GPC3: variants seen among roughly 807,000 people sequenced by gnomAD.
The protein encoded by GPC3 is glypican-3.
GPC3 carries 3 observed loss-of-function variants against 34.4 expected under a neutral mutation model. The ratio of observed to expected loss-of-function variants is 0.09; its 90% CI spans 0.04 to 0.23. The LOEUF (loss-of-function observed/expected upper bound fraction) is 0.23. Among genes scored for constraint, GPC3 ranks in the 10% least tolerant of loss-of-function variants. The pLI is 1.00. For missense variants in GPC3, 351 were observed against 445.6 expected, an observed-to-expected ratio of 0.79 and a Z score of 1.91; for synonymous variants, 177 against 174.0, an observed-to-expected ratio of 1.02 and a Z score of -0.13.
intron 6 of GPC3, among the ~76,000 whole-genome samples, 148 bp downstream of exon 6, chrX:133,661,577 TCTCTC>T (rs2070719783): frequency 1.2e-4 from 1 of 8,269 alleles, no homozygotes; most frequent in Non-Finnish European, 2.4e-4. Context: ...TTTCTCTCTC[TCTCTC>T]TCTCTCTCTC....
intron 3 of GPC3, among the ~76,000 whole-genome samples, chrX:133,706,828 T>C (rs774380405): frequency 8.9e-6 from 1 of 111,769 alleles, no homozygotes; most frequent in African/African-American, 3.2e-5. Flanking sequence ...TGAACTACCA[T>C]TTGATTCAAC....
Position 133,932,979 on chromosome X carries a change from G to A in GPC3, c.337+20071C>T, listed in dbSNP as rs180768758. The stretch of plus-strand genomic sequence containing the variant: ...TAATAAGAGCCCCTTATATAAGTGT[G>A]CATATAGCGCTATTTGGTTTAATAT... On this transcript the variant is annotated intron_variant, in intron 2 of 7. Transcript: ENST00000370818. 8.1e-3 allele frequency among the ~76,000 whole-genome samples: 904 copies of A among 111,202 alleles called. 10 individuals are homozygous for A. The highest frequency in any genetic ancestry group is 0.012 in the Non-Finnish European group (633 of 52,975).
intron 2 of GPC3, among the ~76,000 whole-genome samples, chrX:133,912,538 G>T (rs765848474): frequency 4.6e-5 from 5 of 107,666 alleles, no homozygotes; most frequent in African/African-American, 1.0e-4. Flanking sequence ...GTGGGGGAAG[G>T]GGGGTGCGTG....
intron 7 of GPC3, among the ~76,000 whole-genome samples, chrX:133,543,413 C>G (rs1226691706): frequency 2.7e-5 from 3 of 112,305 alleles, no homozygotes; most frequent in Non-Finnish European, 5.6e-5. Flanking sequence ...GCCACCACAC[C>G]TGGCCCACAA....
intron 2 of GPC3, among the ~76,000 whole-genome samples, chrX:133,854,457 GA>G (rs984675186): frequency 4.5e-5 from 5 of 111,915 alleles, no homozygotes; most frequent in Non-Finnish European, 7.5e-5. Flanking sequence ...ATGCAGAAAT[GA>G]TTAAGATATG....
intron 2 of GPC3, among the ~76,000 whole-genome samples, chrX:133,927,877 TTA>T (rs969946509): frequency 2.8e-5 from 3 of 106,592 alleles, no homozygotes; most frequent in African/African-American, 3.4e-5. Context: ...TATATATATA[TTA>T]TATATATATA....
intron 2 of GPC3, among the ~76,000 whole-genome samples, chrX:133,875,938 C>T (rs2124579207): frequency 9.0e-6 from 1 of 111,727 alleles, no homozygotes; most frequent in Non-Finnish European, 1.9e-5. Context: ...ACTATTATCA[C>T]TATTTGATTT....
At chrX:133,842,725 G>C (rs745903118) in intron 2 of GPC3, among the ~76,000 whole-genome samples, 9 of 110,782 alleles carry the variant, frequency 8.1e-5, no homozygotes, top group Non-Finnish European at 1.3e-4. Context: ...TTCTGTTATT[G>C]TTGTTGTTAT....
At chrX:133,751,873 TG>T (rs1418340158) in intron 3 of GPC3, among the ~76,000 whole-genome samples, 1 of 110,828 alleles carries the variant, frequency 9.0e-6, no homozygotes, top group African/African-American at 3.3e-5. Context: ...TTCTCTCTCT[TG>T]TTTTTTTTGT....
In GPC3 at chrX:133,788,056, C is replaced by T. The variant is rs907205673; in HGVS notation, c.338-33880G>A. 9.6e-5 allele frequency among the ~76,000 whole-genome samples: 8 copies of T among 83,383 alleles called. No individual in the cohort carries two copies. The East Asian group carries it at 2.0e-3, about 21-fold the overall frequency. The allele number at this position is 83,383 out of a possible 115,157, so 72.4% of individuals were successfully genotyped here. ...AGATGTTTTATGATATATACATATA[C>T]GTAATATATAATATAAAGATATCAT... On this transcript the variant is annotated intron_variant, in intron 2 of 7. Coordinates refer to ENST00000370818, the MANE Select transcript of GPC3 (RefSeq NM_004484.4).
At chrX:133,873,875 A>C (rs73567101) in intron 2 of GPC3, among the ~76,000 whole-genome samples, 5,072 of 111,681 alleles carry the variant, frequency 0.045, 268 homozygotes, top group African/African-American at 0.15. Flanking sequence ...GAAAATACAC[A>C]GTTTCACCAA....
intron 7 of GPC3, among the ~76,000 whole-genome samples, chrX:133,553,212 C>G (rs1346372947): frequency 3.6e-5 from 4 of 111,536 alleles, no homozygotes; most frequent in Non-Finnish European, 5.7e-5. Flanking sequence ...TTAACCAAGA[C>G]AAATACATCG....
In GPC3 at chrX:133,832,036, A is replaced by G. The variant is rs927331173; in HGVS notation, c.338-77860T>C. On this transcript the variant is annotated intron_variant, in intron 2 of 7. Coordinates refer to ENST00000370818, the MANE Select transcript of GPC3 (RefSeq NM_004484.4). ...GGAGGCTCACACCTGTAATCCCAGCATTTTGGGAGGCCAAGGTGGGTGGAT... is the reference window on the plus strand; with the variant it reads ...GGAGGCTCACACCTGTAATCCCAGCGTTTTGGGAGGCCAAGGTGGGTGGAT... 2.7e-5 allele frequency among the ~76,000 whole-genome samples: 3 copies of G among 112,000 alleles called. No homozygotes were observed. In the South Asian group the frequency reaches 1.1e-3, roughly 43 times the overall value.
At chrX:133,726,131 T>A (rs771385979) in intron 3 of GPC3, among the ~76,000 whole-genome samples, 1 of 112,192 alleles carries the variant, frequency 8.9e-6, no homozygotes, top group East Asian at 2.8e-4. Flanking sequence ...TGTTTGCTTA[T>A]CTAGGTTTCT....
intron 2 of GPC3, among the ~76,000 whole-genome samples, chrX:133,891,025 T>A (rs1237664804): frequency 9.2e-6 from 1 of 108,731 alleles, no homozygotes; most frequent in African/African-American, 3.4e-5. Context: ...AGGGACACTG[T>A]CTCTTAAAAA....
chrX:133,975,231 C>T (rs2076510042), intron 1 of GPC3, among the ~76,000 whole-genome samples: 1 of 112,078 alleles, frequency 8.9e-6, no homozygotes, highest in Non-Finnish European at 1.9e-5. Flanking sequence ...TAATGTTTCC[C>T]TTCTTAAAAT....
chrX:133,747,268 C>A (rs1183294980), intron 3 of GPC3, among the ~76,000 whole-genome samples: 1 of 111,783 alleles, frequency 8.9e-6, no homozygotes, highest in Non-Finnish European at 1.9e-5. Context: ...TCTTTCTCAC[C>A]ACCGGCACTG....
intron 2 of GPC3, among the ~76,000 whole-genome samples, chrX:133,898,708 T>C (rs1469716184): frequency 8.9e-6 from 1 of 111,938 alleles, no homozygotes; most frequent in Non-Finnish European, 1.9e-5. Flanking sequence ...AGGTGTGCTT[T>C]AAGGAGTTGA....
Position 133,591,117 on chromosome X carries a change from G to A in GPC3, c.1573+5323C>T, listed in dbSNP as rs112846961. Among the ~76,000 whole-genome samples, 205 of 112,132 alleles carry A rather than the reference G, an allele frequency of 1.8e-3. 1 individual carries two copies. The highest frequency in any genetic ancestry group is 6.4e-3 in the African/African-American group (197 of 30,903). On this transcript the variant is annotated intron_variant, in intron 7 of 7. Coordinates refer to ENST00000370818, the MANE Select transcript of GPC3 (RefSeq NM_004484.4). ...AGCCAGCCGATAGAGCTACTTGCTG[G>A]TCATGTCGCAAAAGGTCTGTTCAGG...
Sources: allele counts gnomAD v4.1 joint callset (sites outside exome capture counted in the v4.1 genomes callset), GRCh38; gene constraint gnomAD v4.1.1; transcripts MANE v1.5; gene names NCBI Gene and HGNC (gene_info 2026-07-23, HGNC 2026-07-21).